The following SHISA5 variants were observed in gnomAD, a reference collection of about 807,000 sequenced individuals.
SHISA5 encodes the protein shisa family member 5.
SHISA5 carries 21 observed loss-of-function variants against 27.5 expected under a neutral mutation model. That is an observed-to-expected ratio of 0.76 (90% CI 0.54 to 1.10). The LOEUF is 1.10. SHISA5 is among the 50% of genes least tolerant of loss of function. The probability of loss-of-function intolerance (pLI) is 0.00; values close to 1 mark genes in which losing one functional copy is unlikely to be tolerated. For missense variants in SHISA5, 314 were observed against 336.3 expected, an observed-to-expected ratio of 0.93 and a Z score of 0.52; for synonymous variants, 137 against 142.2, an observed-to-expected ratio of 0.96 and a Z score of 0.26.
chr3:48,479,965 G>A (rs1394850024), intron 2 of SHISA5, among the ~76,000 whole-genome samples: 21 of 146,844 alleles, frequency 1.4e-4, no homozygotes, highest in Admixed American at 1.4e-3. Context: ...GTGCGGTGGC[G>A]CGATCTCGGC....
At chr3:48,496,993 G>A (rs910796552) in intron 2 of SHISA5, among the ~76,000 whole-genome samples, 19 of 152,096 alleles carry the variant, frequency 1.2e-4, no homozygotes, top group African/African-American at 4.6e-4. Flanking sequence ...ACTTTGGGAG[G>A]CTGAGGCGGG....
chr3:48,478,009 G>A (rs1047226919), intron 3 of SHISA5, among the ~76,000 whole-genome samples: 23 of 152,128 alleles, frequency 1.5e-4, no homozygotes, highest in Admixed American at 1.4e-3. Context: ...AACTCCATTC[G>A]GTCCCCAGCG....
intron 1 of SHISA5, chr3:48,502,462 T>C (rs771502600): frequency 4.4e-6 from 2 of 452,980 alleles, no homozygotes; most frequent in South Asian, 3.1e-5. Flanking sequence ...CCTGGAGCCA[T>C]CACAAGACTC....
At chr3:48,494,500 G>A (rs1023224736) in intron 2 of SHISA5, among the ~76,000 whole-genome samples, 3 of 146,596 alleles carry the variant, frequency 2.0e-5, no homozygotes, top group African/African-American at 8.2e-5. Context: ...TCACCATGTT[G>A]GCCAGGATGG....
In SHISA5 at chr3:48,473,461, G is replaced by A. The variant is rs1456487475; in HGVS notation, c.315-3618C>T. The stretch of plus-strand genomic sequence containing the variant: ...GCCCTGTTCCACCAGCCTCCAGGAG[G>A]AGCTTCTGCATCCATCTAGGCCCAG... On this transcript the variant is annotated intron_variant, in intron 3 of 5. Transcript: ENST00000296444. This position sits in a 1 kb window ranked among gnomAD's most constrained non-coding sequence, Gnocchi z 4.3. 7.7e-7 allele frequency: 1 copy of A among 1,294,556 alleles called. No individual in the cohort carries two copies. Among genetic ancestry groups the A allele is most frequent in the East Asian group, 5.5e-5 (1 of 18,338 alleles). 80.2% of individuals were successfully genotyped at this position (1,294,556 alleles called of 1,614,324 possible).
chr3:48,487,785 G>A (rs6442127), intron 2 of SHISA5, among the ~76,000 whole-genome samples: 19,207 of 152,080 alleles, frequency 0.13, 2,666 homozygotes, highest in African/African-American at 0.34. Context: ...AACCCAAGTT[G>A]CTTGGGAGGC....
At chr3:48,472,382 G>C (rs1473030928) in intron 3 of SHISA5, among the ~76,000 whole-genome samples, 1 of 151,892 alleles carries the variant, frequency 6.6e-6, no homozygotes, top group African/African-American at 2.4e-5. Flanking sequence ...TGTGGTCCCA[G>C]CTACTGGGGA....
In SHISA5 at chr3:48,485,721, A is replaced by G. The variant is rs1270667131; in HGVS notation, c.234-6464T>C. ...AATCAGTGTGAAAGCTTCAGAGAGC[A>G]ATGGAAAGAATGTGAAGCTGATATG... On this transcript the variant is annotated intron_variant, in intron 2 of 5. Coordinates refer to ENST00000296444, the MANE Select transcript of SHISA5 (RefSeq NM_016479.6). Among the ~76,000 whole-genome samples the G allele has an allele frequency of 4.0e-5, 6 of 150,960 alleles. No homozygotes were observed. In the East Asian group the frequency reaches 1.2e-3, roughly 29 times the overall value.
intron 2 of SHISA5, among the ~76,000 whole-genome samples, chr3:48,486,479 T>A (rs1424339699): frequency 9.1e-6 from 1 of 110,278 alleles, no homozygotes; most frequent in Non-Finnish European, 1.7e-5. Context: ...ATATTATATA[T>A]ATTACATATT....
At chr3:48,478,821 CA>C (rs1430592173) in intron 3 of SHISA5, among the ~76,000 whole-genome samples, 1 of 152,232 alleles carries the variant, frequency 6.6e-6, no homozygotes, top group African/African-American at 2.4e-5. Flanking sequence ...TACCCGCCCC[CA>C]TCTACCATCA....
At chr3:48,498,654 A>C (rs2041646548) in intron 2 of SHISA5, among the ~76,000 whole-genome samples, 1 of 146,260 alleles carries the variant, frequency 6.8e-6, no homozygotes, top group African/African-American at 2.6e-5. Context: ...GCGCCACTGC[A>C]CTCCAGCCTG....
chr3:48,490,176 C>T (rs180724139), intron 2 of SHISA5, among the ~76,000 whole-genome samples: 128 of 152,242 alleles, frequency 8.4e-4, no homozygotes, highest in African/African-American at 2.7e-3. Context: ...TGGGTTCAAG[C>T]GATTCTCCTG....
chr3:48,473,641 A>C lies in SHISA5; in HGVS notation c.315-3798T>G. On this transcript the variant is annotated intron_variant, in intron 3 of 5. Transcript: ENST00000296444. This position sits in a 1 kb window ranked among gnomAD's most constrained non-coding sequence, Gnocchi z 4.3. Reference sequence around the variant, plus strand: ...GCCACCATGCAAGGTCCATCATGTCACCACCTGCTCAAACGCCAGCTATGG... The same window carrying C: ...GCCACCATGCAAGGTCCATCATGTCCCCACCTGCTCAAACGCCAGCTATGG... 2 of 1,175,276 alleles carry C rather than the reference A, an allele frequency of 1.7e-6. No homozygotes were observed. Among genetic ancestry groups the C allele is most frequent in the Non-Finnish European group, 2.1e-6 (2 of 931,200 alleles). 72.8% of individuals were successfully genotyped at this position (1,175,276 alleles called of 1,614,324 possible).
At chr3:48,475,795 G>A (rs181980575) in intron 3 of SHISA5, among the ~76,000 whole-genome samples, 27 of 152,334 alleles carry the variant, frequency 1.8e-4, no homozygotes, top group African/African-American at 6.0e-4. Flanking sequence ...CATGACAGTA[G>A]GATCCAAAAC....
rs558444599 is a variant in SHISA5, at chr3:48,484,578, G to A, written c.234-5321C>T. Among the ~76,000 whole-genome samples the A allele has an allele frequency of 8.6e-5, 13 of 150,524 alleles. No individual in the cohort carries two copies. The East Asian group carries it at 2.6e-3, about 30-fold the overall frequency. On this transcript the variant is annotated intron_variant, in intron 2 of 5. Transcript: ENST00000296444. ...GCTACTCCAGCCTGGGCGACAGAGC[G>A]AGACACTGTCTCAAAACCAAAAAAT... is the stretch of plus-strand genomic sequence containing the variant.
intron 2 of SHISA5, among the ~76,000 whole-genome samples, chr3:48,496,036 C>T (rs2107372666): frequency 6.8e-6 from 1 of 146,210 alleles, no homozygotes; most frequent in South Asian, 2.1e-4. Context: ...CCTGTAATCC[C>T]AGCACTTTGG....
Position 48,473,693 on chromosome 3 carries a change from G to C in SHISA5, c.315-3850C>G. ...TCCTGTAGCTCTTGCGATTACAAAG[G>C]AATTTGCTTTATAATTACATGTTAA... On this transcript the variant is annotated intron_variant, in intron 3 of 5. Transcript: ENST00000296444. The surrounding 1 kb of genome is among the most constrained non-coding windows in gnomAD (Gnocchi z 4.3). The C allele has an allele frequency of 1.3e-6, 1 of 762,434 alleles. No individual in the cohort carries two copies. Among genetic ancestry groups the C allele is most frequent in the Non-Finnish European group, 1.6e-6 (1 of 626,776 alleles). 47.2% of individuals were successfully genotyped at this position (762,434 alleles called of 1,614,324 possible).
chr3:48,472,864 C>T, intron 3 of SHISA5: 2 of 882,710 alleles, frequency 2.3e-6, no homozygotes, highest in Non-Finnish European at 1.8e-6. Context: ...CAGGTGTCTT[C>T]CGGCCCAACC....
At chr3:48,483,676 C>G (rs868306404) in intron 2 of SHISA5, among the ~76,000 whole-genome samples, 1 of 150,712 alleles carries the variant, frequency 6.6e-6, no homozygotes, top group South Asian at 2.1e-4. Context: ...CGGGCAGAGG[C>G]GCCCCTCACC....
Sources: allele counts gnomAD v4.1 joint callset (sites outside exome capture counted in the v4.1 genomes callset), GRCh38; gene constraint gnomAD v4.1.1; non-coding constraint Gnocchi (gnomAD v3.1); transcripts MANE v1.5; gene names NCBI Gene and HGNC (gene_info 2026-07-23, HGNC 2026-07-21).